The following TRPC7 variants were observed in gnomAD, a reference collection of about 807,000 sequenced individuals.
The protein encoded by TRPC7 is transient receptor potential cation channel subfamily C member 7, also known as short transient receptor potential channel 7.
TRPC7 carries 42 observed loss-of-function variants against 90.1 expected under a neutral mutation model. The ratio of observed to expected loss-of-function variants is 0.47; its 90% CI spans 0.36 to 0.60. The LOEUF is 0.60. Ranked by LOEUF, TRPC7 falls within the 20% of genes least tolerant of loss-of-function variation. The pLI is 0.00. For missense variants in TRPC7, 955 were observed against 1,112.3 expected (o/e 0.86, Z 2.01); for synonymous variants, 451 against 436.3 (o/e 1.03, Z -0.42).
At chr5:136,280,516 A>C (rs749505307) in intron 3 of TRPC7, among the ~76,000 whole-genome samples, 39 of 152,220 alleles carry the variant, frequency 2.6e-4, no homozygotes, top group Non-Finnish European at 5.0e-4. Flanking sequence ...TCATCCCAGA[A>C]TAATTTCTAA....
At chr5:136,267,830 C>T (rs1383541353) in intron 4 of TRPC7, among the ~76,000 whole-genome samples, 1 of 152,118 alleles carries the variant, frequency 6.6e-6, no homozygotes, top group Admixed American at 6.6e-5. Context: ...TGCATATTGT[C>T]ATATGACACT....
intron 2 of TRPC7, among the ~76,000 whole-genome samples, chr5:136,342,402 G>GTTCTTC (rs747521860): frequency 6.6e-6 from 1 of 152,194 alleles, no homozygotes; most frequent in Non-Finnish European, 1.5e-5. Context: ...AACGAGGAGT[G>GTTCTTC]TTCTTCTTCC....
At chr5:136,323,223 C>T (rs1759250474) in intron 2 of TRPC7, among the ~76,000 whole-genome samples, 1 of 152,216 alleles carries the variant, frequency 6.6e-6, no homozygotes, top group South Asian at 2.1e-4. Context: ...TGCCTTTCAC[C>T]TTTGGCCATG....
At chr5:136,338,255 T>C (rs992525660) in intron 2 of TRPC7, among the ~76,000 whole-genome samples, 1 of 152,216 alleles carries the variant, frequency 6.6e-6, no homozygotes. Flanking sequence ...TGGGCAGTCG[T>C]TTTCTGTTTG....
At chr5:136,354,817 C>G (rs560279245) in intron 2 of TRPC7, among the ~76,000 whole-genome samples, 1 of 152,338 alleles carries the variant, frequency 6.6e-6, no homozygotes, top group East Asian at 1.9e-4. Flanking sequence ...TCACATGGAA[C>G]TACTCATCCT....
At chr5:136,322,399 A>G (rs760734221) in intron 2 of TRPC7, among the ~76,000 whole-genome samples, 28 of 152,220 alleles carry the variant, frequency 1.8e-4, no homozygotes, top group Non-Finnish European at 4.0e-4. Flanking sequence ...CTGAATATAC[A>G]GTAAATGCAT....
At chr5:136,292,584 A>T (rs544726363) in intron 3 of TRPC7, among the ~76,000 whole-genome samples, 1 of 152,328 alleles carries the variant, frequency 6.6e-6, no homozygotes, top group Non-Finnish European at 1.5e-5. Flanking sequence ...CCCTCCCAAG[A>T]CTAAACCAGG....
chr5:136,299,529 C>T (rs1394305695), intron 3 of TRPC7, among the ~76,000 whole-genome samples: 1 of 152,048 alleles, frequency 6.6e-6, no homozygotes, highest in Non-Finnish European at 1.5e-5. Flanking sequence ...ATTATACTTA[C>T]AAAACTCCCC....
At chr5:136,341,600 C>T (rs1035187561) in intron 2 of TRPC7, among the ~76,000 whole-genome samples, 1 of 152,114 alleles carries the variant, frequency 6.6e-6, no homozygotes, top group Non-Finnish European at 1.5e-5. Flanking sequence ...GAGGAGCTTA[C>T]TTCTTGCTGT....
intron 10 of TRPC7, among the ~76,000 whole-genome samples, chr5:136,223,545 GGAGGTTGCAGCGAGCC>G (rs1755529188): frequency 6.6e-6 from 1 of 151,968 alleles, no homozygotes; most frequent in Admixed American, 6.6e-5. Context: ...CCTGGGAGGC[GGAGGTTGCAGCGAGCC>G]GAGATCGCAC....
chr5:136,359,783 C>CAA (rs1760510733), intron 1 of TRPC7, among the ~76,000 whole-genome samples: 3 of 152,042 alleles, frequency 2.0e-5, no homozygotes, highest in Admixed American at 2.0e-4. Flanking sequence ...GGCACACACA[C>CAA]ACACACACAC....
intron 2 of TRPC7, among the ~76,000 whole-genome samples, chr5:136,349,837 T>G (rs750642696): frequency 7.9e-5 from 12 of 152,228 alleles, no homozygotes; most frequent in Non-Finnish European, 1.6e-4. Flanking sequence ...CACTCCAGAA[T>G]GGACTGCATA....
intron 3 of TRPC7, among the ~76,000 whole-genome samples, chr5:136,290,555 AATG>A (rs1286692008): frequency 2.6e-5 from 4 of 152,196 alleles, no homozygotes; most frequent in African/African-American, 9.7e-5. Context: ...TGGAAGACAA[AATG>A]AATGAAATGA....
intron 5 of TRPC7, among the ~76,000 whole-genome samples, chr5:136,263,036 T>A (rs1186720001): frequency 2.0e-5 from 3 of 152,188 alleles, no homozygotes; most frequent in Admixed American, 2.0e-4. Flanking sequence ...GAAATTTAAA[T>A]AGGGGTTCTT....
chr5:136,269,567 A>T (rs1757140510), intron 4 of TRPC7, among the ~76,000 whole-genome samples: 1 of 152,200 alleles, frequency 6.6e-6, no homozygotes, highest in Admixed American at 6.5e-5. Flanking sequence ...ATCTTTTATG[A>T]CAGAGTCTCC....
chr5:136,314,655 G>C (rs1408284499), intron 3 of TRPC7, among the ~76,000 whole-genome samples: 1 of 152,102 alleles, frequency 6.6e-6, no homozygotes, highest in Admixed American at 6.6e-5. Context: ...GTTGTTGAAG[G>C]CACAAATTAA....
intron 2 of TRPC7, among the ~76,000 whole-genome samples, chr5:136,322,427 G>A (rs1759227975): frequency 6.6e-6 from 1 of 152,184 alleles, no homozygotes; most frequent in Non-Finnish European, 1.5e-5. Context: ...CTTGTAAGAA[G>A]CTTCCAATTT....
At chr5:136,364,129 G>A (rs963608631) in intron 1 of TRPC7, among the ~76,000 whole-genome samples, 1 of 152,162 alleles carries the variant, frequency 6.6e-6, no homozygotes, top group South Asian at 2.1e-4. Context: ...GGGAAATGTT[G>A]ATTGCCTTTA....
At chr5:136,362,233 T>C (rs1760589610) in intron 1 of TRPC7, among the ~76,000 whole-genome samples, 1 of 152,218 alleles carries the variant, frequency 6.6e-6, no homozygotes, top group African/African-American at 2.4e-5. Flanking sequence ...CCTGAATGAC[T>C]ATTTAATCAT....
Sources: gnomAD v4.1 joint callset for allele counts (sites outside exome capture counted in the v4.1 genomes callset) on GRCh38, gnomAD v4.1.1 for gene constraint, MANE v1.5 for transcripts, NCBI Gene and HGNC (gene_info 2026-07-23, HGNC 2026-07-21) for gene names.